Variants in TPTE2 observed in about 807,000 individuals in gnomAD.
TPTE2 encodes transmembrane phosphoinositide 3-phosphatase and tensin homolog 2.
In TPTE2, 53 loss-of-function variants were observed where a neutral mutation model predicts 78.6. That is an observed-to-expected ratio of 0.67 (90% CI 0.54 to 0.85). The LOEUF (loss-of-function observed/expected upper bound fraction) is 0.85, where lower values mean the gene tolerates loss of function less well. Among genes scored for constraint, TPTE2 ranks in the 40% least tolerant of loss-of-function variants. TPTE2 has a pLI of 0.00. For missense variants in TPTE2, 461 were observed against 623.0 expected (o/e 0.74, Z 2.77); for synonymous variants, 175 against 206.2 (o/e 0.85, Z 1.30).
At chr13:19,436,681 C>T (rs1340133651) in intron 14 of TPTE2, among the ~76,000 whole-genome samples, 1 of 152,188 alleles carries the variant, frequency 6.6e-6, no homozygotes, top group Non-Finnish European at 1.5e-5. Flanking sequence ...TCCCAAAGTG[C>T]TGGGATTACA....
At chr13:19,527,793 T>G (rs1870597765) in intron 1 of TPTE2, among the ~76,000 whole-genome samples, 1 of 152,198 alleles carries the variant, frequency 6.6e-6, no homozygotes, top group Admixed American at 6.5e-5. Context: ...GATGAAGGCA[T>G]CAGGGCAGTT....
intron 3 of TPTE2, among the ~76,000 whole-genome samples, chr13:19,490,187 T>C (rs571322969): frequency 1.3e-5 from 2 of 152,302 alleles, no homozygotes; most frequent in African/African-American, 2.4e-5. Flanking sequence ...AATCTTAATA[T>C]ATCCCTCTCT....
chr13:19,488,828 T>C (rs1348143411), intron 3 of TPTE2, among the ~76,000 whole-genome samples: 2 of 152,250 alleles, frequency 1.3e-5, no homozygotes, highest in Non-Finnish European at 2.9e-5. Context: ...AGAAGTTTTT[T>C]GGCTTTTCTG....
intron 1 of TPTE2, among the ~76,000 whole-genome samples, chr13:19,496,999 G>C (rs1156447829): frequency 6.6e-6 from 1 of 152,198 alleles, no homozygotes; most frequent in Non-Finnish European, 1.5e-5. Flanking sequence ...AGTGCAAGGG[G>C]TCAGGGAGTT....
exon 1 of TPTE2, chr13:19,503,242 T>A: frequency 1.2e-6 from 2 of 1,613,754 alleles, no homozygotes; most frequent in Non-Finnish European, 8.5e-7. Context: ...CATACGTGCC[T>A]CTGGGTTCAC....
At chr13:19,497,083 T>C (rs1284810532) in intron 1 of TPTE2, among the ~76,000 whole-genome samples, 2 of 152,082 alleles carry the variant, frequency 1.3e-5, no homozygotes, top group Admixed American at 6.5e-5. Context: ...AATATTGCGC[T>C]TTTCTGAGGG....
chr13:19,506,281 C>T (rs1593407247), upstream of TPTE2, among the ~76,000 whole-genome samples: 1 of 143,986 alleles, frequency 6.9e-6, no homozygotes, highest in South Asian at 2.3e-4. Flanking sequence ...ACGCCATTCT[C>T]CTGCCTCAGC....
chr13:19,496,825 G>T (rs2932152), intron 1 of TPTE2, among the ~76,000 whole-genome samples: 142,046 of 152,202 alleles, frequency 0.93, 66,591 homozygotes, highest in East Asian at 1. Flanking sequence ...AACAGCTCCG[G>T]TCTACAGCTC....
At position 19,464,989 on chromosome 13, in the gene TPTE2, C is replaced by T. The variant is rs187825590; in HGVS notation, c.676+266G>A. 1.2e-3 allele frequency among the ~76,000 whole-genome samples: 188 copies of T among 152,194 alleles called. 2 individuals carry two copies. Among genetic ancestry groups the T allele is most frequent in the African/African-American group, 4.4e-3 (183 of 41,520 alleles). On this transcript the variant is annotated intron_variant, in intron 9 of 19. Transcript: ENST00000400230. ...GATCCTTGGGACTCAGAAATAACTACAAGAGGTTAATAAATTGAAACTCAA... is the reference window on the plus strand; with the variant it reads ...GATCCTTGGGACTCAGAAATAACTATAAGAGGTTAATAAATTGAAACTCAA...
chr13:19,456,329 A>T (rs964158946), intron 10 of TPTE2, among the ~76,000 whole-genome samples: 79 of 152,216 alleles, frequency 5.2e-4, no homozygotes, highest in African/African-American at 1.3e-3. Flanking sequence ...AAAATTAATT[A>T]AAAAAATTAG....
chr13:19,522,327 C>T (rs1870201820), intron 1 of TPTE2, among the ~76,000 whole-genome samples: 1 of 152,080 alleles, frequency 6.6e-6, no homozygotes, highest in African/African-American at 2.4e-5. Flanking sequence ...AAGTCTCTGA[C>T]ATAATAAGAA....
In TPTE2 at chr13:19,436,312, A is replaced by G; in HGVS notation, c.1036-6T>C. 1 of 1,611,878 alleles carries G rather than the reference A, an allele frequency of 6.2e-7. No individual in the cohort carries two copies. The highest frequency in any genetic ancestry group is 2.2e-5 in the East Asian group (1 of 44,806). ...CCAAAATAATATAGGCTTTCCTACA[A>G]AAAAGGGTACAATCCAACCATGGTT... On this transcript the variant is annotated splice_polypyrimidine_tract_variant and splice_region_variant and intron_variant, in intron 14 of 19. Transcript: ENST00000400230.
At chr13:19,554,353 C>T in the TPTE2 span, among the ~76,000 whole-genome samples, 6 of 141,490 alleles carry the variant, frequency 4.2e-5, no homozygotes, top group Admixed American at 1.4e-4. Flanking sequence ...CCAACCTAGG[C>T]GACAGAGCAA....
chr13:19,424,942 C>T lies in TPTE2; in HGVS notation c.1466+5G>A, dbSNP rs773609395. Reference sequence around the variant, plus strand: ...TGTTTCTATGGGTTTCTATTATATTCATACCTGTTATTTTGAATAAAAGAC... The same window carrying T: ...TGTTTCTATGGGTTTCTATTATATTTATACCTGTTATTTTGAATAAAAGAC... On this transcript the variant is annotated splice_donor_5th_base_variant and intron_variant, in intron 19 of 19. Coordinates refer to ENST00000400230, the Ensembl canonical transcript of TPTE2. The T allele has an allele frequency of 6.8e-7, 1 of 1,472,606 alleles. No homozygotes were observed. 91.2% of individuals were successfully genotyped at this position (1,472,606 alleles called of 1,614,324 possible).
chr13:19,547,980 A>G, the TPTE2 span, among the ~76,000 whole-genome samples: 12 of 151,958 alleles, frequency 7.9e-5, no homozygotes, highest in African/African-American at 2.9e-4. Flanking sequence ...TGTTTAATAA[A>G]CCAAAGAAGC....
At chr13:19,543,965 G>A in the TPTE2 span, among the ~76,000 whole-genome samples, 1 of 149,290 alleles carries the variant, frequency 6.7e-6, no homozygotes, top group Non-Finnish European at 1.5e-5. Context: ...GAAAGGCTGA[G>A]GTGGGAGGAT....
At chr13:19,450,596 C>T (rs1878113965) in intron 11 of TPTE2, among the ~76,000 whole-genome samples, 1 of 152,052 alleles carries the variant, frequency 6.6e-6, no homozygotes, top group Admixed American at 6.6e-5. Flanking sequence ...TTTCTAGCAG[C>T]CTATTCATTA....
At chr13:19,505,033 G>C (rs1868906635), upstream of TPTE2, among the ~76,000 whole-genome samples, 2 of 152,050 alleles carry the variant, frequency 1.3e-5, no homozygotes, top group Non-Finnish European at 2.9e-5. Context: ...TAGATAGTTG[G>C]ACACACATAT....
At chr13:19,544,939 CA>C in the TPTE2 span, among the ~76,000 whole-genome samples, 1 of 5,992 alleles carries the variant, frequency 1.7e-4, no homozygotes, top group Admixed American at 1.4e-3. Flanking sequence ...CACACTCACA[CA>C]CACACACACA....
Sources: allele counts gnomAD v4.1 joint callset (sites outside exome capture counted in the v4.1 genomes callset), GRCh38; gene constraint gnomAD v4.1.1; transcripts MANE v1.5; gene names NCBI Gene and HGNC (gene_info 2026-07-23, HGNC 2026-07-21).